Variants in DPYD observed in about 807,000 individuals in gnomAD.
DPYD encodes dihydropyrimidine dehydrogenase [NADP(+)].
In DPYD, 109 loss-of-function variants were observed where a neutral mutation model predicts 116.2. The observed-to-expected ratio is 0.94, with a 90% confidence interval of 0.80 to 1.10. The LOEUF is 1.10. Among genes scored for constraint, DPYD ranks in the 50% least tolerant of loss-of-function variants. The pLI is 0.00. For missense variants in DPYD, 1,302 were observed against 1,254.5 expected (o/e 1.04, Z -0.57); for synonymous variants, 440 against 432.0 (o/e 1.02, Z -0.23).
intron 14 of DPYD, among the ~76,000 whole-genome samples, chr1:97,431,060 A>G (rs1403494287): frequency 1.3e-5 from 2 of 152,136 alleles, no homozygotes; most frequent in Admixed American, 6.6e-5. Context: ...ATTTTTTCTT[A>G]AGAAATATTT....
intron 19 of DPYD, among the ~76,000 whole-genome samples, chr1:97,229,588 A>G (rs1404714417): frequency 7.9e-6 from 1 of 126,918 alleles, no homozygotes. Context: ...ATATATATAT[A>G]TACTGATTTT....
chr1:97,832,037 A>G (rs1461179286), intron 2 of DPYD, among the ~76,000 whole-genome samples: 1 of 112,972 alleles, frequency 8.9e-6, no homozygotes, highest in Non-Finnish European at 1.9e-5. Context: ...GCTTTAATAT[A>G]TAATGTATTG....
intron 14 of DPYD, among the ~76,000 whole-genome samples, chr1:97,400,976 G>A (rs1406387302): frequency 6.6e-6 from 1 of 152,036 alleles, no homozygotes; most frequent in African/African-American, 2.4e-5. Context: ...ATCAGAATTT[G>A]GTGTTGTCAG....
chr1:97,446,899 A>G (rs1676115288), intron 14 of DPYD, among the ~76,000 whole-genome samples: 1 of 152,178 alleles, frequency 6.6e-6, no homozygotes, highest in Non-Finnish European at 1.5e-5. Context: ...CTTAGTCAGT[A>G]ATAAATTGTC....
At chr1:97,155,114 AACGTAT>A (rs1288973883) in intron 20 of DPYD, among the ~76,000 whole-genome samples, 11 of 152,090 alleles carry the variant, frequency 7.2e-5, no homozygotes, top group African/African-American at 2.7e-4. Context: ...CTTTGCAGGG[AACGTAT>A]ATGTGGCCTG....
At chr1:97,117,369 T>C (rs1652058599) in intron 20 of DPYD, among the ~76,000 whole-genome samples, 1 of 152,216 alleles carries the variant, frequency 6.6e-6, no homozygotes, top group Non-Finnish European at 1.5e-5. Flanking sequence ...CACTAGAAGA[T>C]CGTTTCAGAA....
intron 16 of DPYD, among the ~76,000 whole-genome samples, chr1:97,312,797 G>A (rs545805001): frequency 4.5e-4 from 68 of 151,804 alleles, no homozygotes; most frequent in African/African-American, 1.6e-3. Context: ...TGGTATAATC[G>A]GGTATAGACA....
chr1:97,427,434 T>A (rs1011632296), intron 14 of DPYD, among the ~76,000 whole-genome samples: 1 of 152,070 alleles, frequency 6.6e-6, no homozygotes, highest in African/African-American at 2.4e-5. Flanking sequence ...AAAACTCCTG[T>A]GTGTCTGTTG....
chr1:97,825,762 A>AT (rs1260225176), intron 3 of DPYD, among the ~76,000 whole-genome samples: 1 of 151,922 alleles, frequency 6.6e-6, no homozygotes, highest in African/African-American at 2.4e-5. Flanking sequence ...CCTAGAACTT[A>AT]AAGTATAATA....
chr1:97,676,197 C>G (rs75042061), intron 8 of DPYD, among the ~76,000 whole-genome samples: 9 of 152,238 alleles, frequency 5.9e-5, no homozygotes, highest in Admixed American at 2.6e-4. Flanking sequence ...CATTTCTATC[C>G]TCTCTCAATA....
chr1:97,275,345 T>C (rs1664867958), intron 18 of DPYD, among the ~76,000 whole-genome samples: 1 of 152,204 alleles, frequency 6.6e-6, no homozygotes, highest in South Asian at 2.1e-4. Flanking sequence ...CTACAGATCT[T>C]TGTTTGAATT....
At chr1:97,566,812 G>GA (rs1652551348) in intron 11 of DPYD, among the ~76,000 whole-genome samples, 1 of 152,000 alleles carries the variant, frequency 6.6e-6, no homozygotes, top group Admixed American at 6.6e-5. Context: ...TTTGTTGTTT[G>GA]AAAAATAGAA....
At chr1:97,234,802 C>G in intron 19 of DPYD, 50 bp downstream of exon 19, 1 of 1,609,332 alleles carries the variant, frequency 6.2e-7, no homozygotes, top group Non-Finnish European at 8.5e-7. Flanking sequence ...ACTTACATTG[C>G]ATTTGTGAGA....
At chr1:97,312,280 G>A in intron 16 of DPYD, among the ~76,000 whole-genome samples, 1 of 151,734 alleles carries the variant, frequency 6.6e-6, no homozygotes, top group East Asian at 1.9e-4. Context: ...TCTTTGCTGA[G>A]GTTGCAAAGA....
Position 97,221,411 on chromosome 1 carries a change from C to A in DPYD, c.2442+13441G>T, listed in dbSNP as rs188051610. Among the ~76,000 whole-genome samples the A allele has an allele frequency of 4.5e-3, 620 of 136,534 alleles. 4 individuals are homozygous for A. The highest frequency in any genetic ancestry group is 0.015 in the African/African-American group (597 of 38,824). The allele number at this position is 136,534 out of a possible 152,430, so 89.6% of individuals were successfully genotyped here. On this transcript the variant is annotated intron_variant, in intron 19 of 22. Transcript: ENST00000370192. ...AAGGAAATTACAAACTGTGAATATG[C>A]AAATCTATAAATGGGGTTAAAAATG...
intron 3 of DPYD, among the ~76,000 whole-genome samples, chr1:97,790,426 C>T (rs911825656): frequency 1.7e-4 from 26 of 152,124 alleles, no homozygotes; most frequent in African/African-American, 5.8e-4. Context: ...CTACACCAGA[C>T]GACCCTAGAG....
At chr1:97,539,393 A>G (rs937193729) in intron 12 of DPYD, among the ~76,000 whole-genome samples, 19 of 152,242 alleles carry the variant, frequency 1.2e-4, no homozygotes, top group African/African-American at 4.6e-4. Flanking sequence ...TATATTTAAA[A>G]TGGTGCTCTA....
At chr1:97,099,918 T>C (rs997915893) in intron 20 of DPYD, among the ~76,000 whole-genome samples, 1 of 152,106 alleles carries the variant, frequency 6.6e-6, no homozygotes, top group Non-Finnish European at 1.5e-5. Flanking sequence ...AACATACTTA[T>C]GTAGAAATAT....
chr1:97,319,985 A>G lies in DPYD; in HGVS notation c.2059-13688T>C, dbSNP rs1387714015. On this transcript the variant is annotated intron_variant, in intron 16 of 22. Coordinates refer to ENST00000370192, the MANE Select transcript of DPYD (RefSeq NM_000110.4). ...AAACAGAGCCAAAGACAAAAACCACATGATTATCTCAATAGATGCAGAAAA... is the reference window on the plus strand; with the variant it reads ...AAACAGAGCCAAAGACAAAAACCACGTGATTATCTCAATAGATGCAGAAAA... Among the ~76,000 whole-genome samples, 3 of 139,016 alleles carry G rather than the reference A, an allele frequency of 2.2e-5. No individual in the cohort carries two copies. The East Asian group carries it at 6.5e-4, about 30-fold the overall frequency. 91.2% of individuals were successfully genotyped at this position (139,016 alleles called of 152,430 possible). A position where few individuals can be genotyped will look rare whatever the true frequency, so the allele number is the denominator to read the frequency against.
Sources: gnomAD v4.1 joint callset for allele counts (sites outside exome capture counted in the v4.1 genomes callset) on GRCh38, gnomAD v4.1.1 for gene constraint, MANE v1.5 for transcripts, NCBI Gene and HGNC (gene_info 2026-07-23, HGNC 2026-07-21) for gene names.